Variants in MDGA2 observed in about 807,000 individuals in gnomAD.
MDGA2 encodes MAM domain containing glycosylphosphatidylinositol anchor 2.
A neutral mutation model predicts 117.8 loss-of-function variants in MDGA2; 40 were observed. That is an observed-to-expected ratio of 0.34 (90% confidence interval 0.26 to 0.44). The LOEUF (loss-of-function observed/expected upper bound fraction) is 0.44, where lower values mean the gene tolerates loss of function less well. MDGA2 is among the 20% of genes least tolerant of loss of function. The probability of loss-of-function intolerance (pLI) is 1.00; values close to 1 mark genes in which losing one functional copy is unlikely to be tolerated. For missense variants in MDGA2, 1,123 were observed against 1,250.6 expected, an observed-to-expected ratio of 0.90 and a Z score of 1.54; for synonymous variants, 452 against 439.0, an observed-to-expected ratio of 1.03 and a Z score of -0.37.
intron 2 of MDGA2, among the ~76,000 whole-genome samples, chr14:47,221,643 G>A (rs1262378348): frequency 7.0e-6 from 1 of 142,918 alleles, no homozygotes. Flanking sequence ...AGCAGAGTTT[G>A]CACCACTGCA....
At chr14:47,071,957 A>G (rs1208328278) in intron 6 of MDGA2, among the ~76,000 whole-genome samples, 4 of 152,068 alleles carry the variant, frequency 2.6e-5, no homozygotes, top group Non-Finnish European at 5.9e-5. Context: ...ACAGGAACCA[A>G]AGGAGTCTGT....
At chr14:46,863,751 A>G (rs1371556467) in intron 14 of MDGA2, among the ~76,000 whole-genome samples, 2 of 152,116 alleles carry the variant, frequency 1.3e-5, no homozygotes, top group Non-Finnish European at 2.9e-5. Flanking sequence ...TACATTGTCT[A>G]AGGGACCATC....
At chr14:47,379,686 T>C (rs1891567085) in intron 1 of MDGA2, among the ~76,000 whole-genome samples, 1 of 152,140 alleles carries the variant, frequency 6.6e-6, no homozygotes, top group South Asian at 2.1e-4. Flanking sequence ...CCTAAACATA[T>C]ATGCACCCAA....
At chr14:46,954,763 A>C (rs1885499221) in intron 9 of MDGA2, among the ~76,000 whole-genome samples, 1 of 152,078 alleles carries the variant, frequency 6.6e-6, no homozygotes, top group South Asian at 2.1e-4. Context: ...GGTTCCAGGG[A>C]TTAGAACATA....
At chr14:47,517,380 T>C (rs1894775997) in intron 1 of MDGA2, among the ~76,000 whole-genome samples, 3 of 152,206 alleles carry the variant, frequency 2.0e-5, no homozygotes, top group Middle Eastern at 3.4e-3. Flanking sequence ...TGAACACTCA[T>C]AGCAAAAGTA....
intron 1 of MDGA2, among the ~76,000 whole-genome samples, chr14:47,321,894 T>C (rs1289499233): frequency 6.6e-6 from 1 of 152,230 alleles, no homozygotes; most frequent in Non-Finnish European, 1.5e-5. Context: ...TAATAATTCA[T>C]TTTTAATAAT....
At chr14:47,053,774 CTGAT>C (rs1418558378) in intron 7 of MDGA2, among the ~76,000 whole-genome samples, 1 of 151,564 alleles carries the variant, frequency 6.6e-6, no homozygotes, top group Non-Finnish European at 1.5e-5. Flanking sequence ...ATATTTTACT[CTGAT>C]TGAAGTTGAA....
intron 7 of MDGA2, among the ~76,000 whole-genome samples, chr14:47,048,605 T>C (rs1027126838): frequency 1.3e-5 from 2 of 152,062 alleles, no homozygotes; most frequent in Non-Finnish European, 2.9e-5. Context: ...TGCCTTATCC[T>C]GTAGAAATAG....
chr14:47,619,658 A>G (rs987063068), intron 1 of MDGA2, among the ~76,000 whole-genome samples: 2 of 152,162 alleles, frequency 1.3e-5, no homozygotes, highest in African/African-American at 4.8e-5. Flanking sequence ...TGAGTAGGTA[A>G]TTCCCTGTAC....
intron 7 of MDGA2, among the ~76,000 whole-genome samples, chr14:47,040,058 T>A (rs896740263): frequency 1.3e-5 from 2 of 152,134 alleles, no homozygotes; most frequent in Non-Finnish European, 2.9e-5. Flanking sequence ...TTAAAAAAAT[T>A]TTCAATGAAT....
At chr14:46,848,005 C>T (rs916771283) in intron 15 of MDGA2, among the ~76,000 whole-genome samples, 1 of 151,942 alleles carries the variant, frequency 6.6e-6, no homozygotes, top group Non-Finnish European at 1.5e-5. Flanking sequence ...ATATTAAATA[C>T]TGCTTGTAGA....
At chr14:47,222,012 A>G (rs957124082) in intron 2 of MDGA2, among the ~76,000 whole-genome samples, 2 of 151,952 alleles carry the variant, frequency 1.3e-5, no homozygotes, top group Non-Finnish European at 2.9e-5. Flanking sequence ...GTACATTATT[A>G]TTAACTAGAG....
At chr14:47,072,171 A>G (rs1036732488) in intron 6 of MDGA2, among the ~76,000 whole-genome samples, 33 of 149,478 alleles carry the variant, frequency 2.2e-4, no homozygotes, top group Non-Finnish European at 1.9e-4. Flanking sequence ...TAGTTAACTG[A>G]TAAGAAATAA....
At chr14:47,144,552 G>A (rs550444452) in intron 3 of MDGA2, among the ~76,000 whole-genome samples, 29 of 152,054 alleles carry the variant, frequency 1.9e-4, no homozygotes, top group South Asian at 4.1e-4. Flanking sequence ...CCATGAGAGA[G>A]ATAAAAATTT....
At chr14:47,319,047 T>G (rs1889897980) in intron 1 of MDGA2, among the ~76,000 whole-genome samples, 1 of 152,212 alleles carries the variant, frequency 6.6e-6, no homozygotes, top group Non-Finnish European at 1.5e-5. Flanking sequence ...TCCTATGTTC[T>G]ATTTATTATG....
At chr14:46,986,791 C>T (rs987944432) in intron 8 of MDGA2, among the ~76,000 whole-genome samples, 1 of 152,058 alleles carries the variant, frequency 6.6e-6, no homozygotes, top group Non-Finnish European at 1.5e-5. Context: ...GTCAGTAGAA[C>T]TGAGTAACTT....
intron 1 of MDGA2, among the ~76,000 whole-genome samples, chr14:47,361,194 T>TCTCC (rs1311078961): frequency 7.4e-6 from 1 of 134,660 alleles, no homozygotes; most frequent in Non-Finnish European, 1.6e-5. Flanking sequence ...GTACTCTCTC[T>TCTCC]CTCTCTCTCT....
chr14:47,372,488 T>C (rs1189119061), intron 1 of MDGA2, among the ~76,000 whole-genome samples: 3 of 151,872 alleles, frequency 2.0e-5, no homozygotes, highest in African/African-American at 7.2e-5. Flanking sequence ...TCCCTCTCAT[T>C]TGTAGTCAGA....
intron 7 of MDGA2, among the ~76,000 whole-genome samples, chr14:47,052,326 A>T (rs1051481277): frequency 1.3e-5 from 2 of 152,012 alleles, no homozygotes; most frequent in African/African-American, 4.8e-5. Flanking sequence ...AAAGTATTTA[A>T]TATTATCAAA....
Sources: allele counts gnomAD v4.1 joint callset (sites outside exome capture counted in the v4.1 genomes callset), GRCh38; gene constraint gnomAD v4.1.1; transcripts MANE v1.5; gene names NCBI Gene and HGNC (gene_info 2026-07-23, HGNC 2026-07-21).